Variants in CIB1 observed in about 807,000 individuals in gnomAD.
CIB1 encodes calcium and integrin-binding protein 1.
In CIB1, 19 loss-of-function variants were observed where a neutral mutation model predicts 25.0. That is an observed-to-expected ratio of 0.76 (90% CI 0.53 to 1.12). The LOEUF is 1.12. Among genes scored for constraint, CIB1 ranks in the 50% most tolerant of loss-of-function variants. The pLI is 0.00. For synonymous variants in CIB1, 104 were observed against 98.5 expected (o/e 1.06, Z -0.33); for missense variants, 236 against 242.6 (o/e 0.97, Z 0.18).
Position 90,231,149 on chromosome 15 carries a change from T to C in CIB1, c.411A>G (p.Gly137=). The part of the protein sequence containing the change: ...DLSRLVNCLT[G]EGEDTRLSAS... ...CACTAAGCCGTGTGTCCTCGCCCTC[T>C]CCCGTGAGGCAGTTCACCAGCCGGC... Residue 137 remains glycine (G), a synonymous_variant, in exon 5 of 7, where the codon GGA becomes GGG. Coordinates refer to ENST00000328649, the MANE Select transcript of CIB1 (RefSeq NM_006384.4). 1 of 1,614,168 alleles carries C rather than the reference T, an allele frequency of 6.2e-7. No individual in the cohort carries two copies. Among genetic ancestry groups the C allele is most frequent in the Non-Finnish European group, 8.5e-7 (1 of 1,180,028 alleles).
the CIB1 span, chr15:90,265,574 C>A: frequency 7.2e-7 from 1 of 1,394,416 alleles, no homozygotes; most frequent in Non-Finnish European, 9.6e-7. Flanking sequence ...AGCGTGAGCC[C>A]AGATCTTACC....
the CIB1 span, chr15:90,264,050 T>C: frequency 6.5e-7 from 1 of 1,532,964 alleles, no homozygotes; most frequent in Non-Finnish European, 8.7e-7. Flanking sequence ...AGAATCAGGC[T>C]CACTAGCCGT....
At chr15:90,232,803 G>C (rs1962530897) in intron 2 of CIB1, among the ~76,000 whole-genome samples, 1 of 149,420 alleles carries the variant, frequency 6.7e-6, no homozygotes, top group East Asian at 2.0e-4. Flanking sequence ...CTACTCAGGA[G>C]GCTGAGGCAG....
the CIB1 span, chr15:90,257,756 G>A: frequency 1.9e-6 from 3 of 1,595,712 alleles, no homozygotes; most frequent in South Asian, 1.1e-5. Flanking sequence ...TGCTTCCTCT[G>A]CCCCTTAGCC....
chr15:90,247,545 A>C, the CIB1 span, among the ~76,000 whole-genome samples: 10 of 151,376 alleles, frequency 6.6e-5, 1 homozygote, highest in African/African-American at 2.2e-4. Flanking sequence ...TGAGGTTGAC[A>C]TACCTATCAA....
the CIB1 span, chr15:90,264,048 G>A: frequency 6.5e-7 from 1 of 1,533,916 alleles, no homozygotes; most frequent in East Asian, 2.4e-5. Flanking sequence ...CCAGAATCAG[G>A]CTCACTAGCC....
the CIB1 span, among the ~76,000 whole-genome samples, chr15:90,253,861 C>T: frequency 0.27 from 40,926 of 152,112 alleles, 6,435 homozygotes; most frequent in East Asian, 0.67. Flanking sequence ...TCTAATTGGG[C>T]GTTTGTGGTG....
At chr15:90,257,047 T>A in the CIB1 span, 1 of 1,231,530 alleles carries the variant, frequency 8.1e-7, no homozygotes, top group Non-Finnish European at 1.1e-6. Context: ...TTGTGGAAAT[T>A]CAATTAGCTA....
the CIB1 span, among the ~76,000 whole-genome samples, chr15:90,254,936 T>G: frequency 6.6e-6 from 1 of 152,214 alleles, no homozygotes; most frequent in Non-Finnish European, 1.5e-5. Flanking sequence ...GTTAAGTGCT[T>G]TTATAGTATT....
intron 6 of CIB1, among the ~76,000 whole-genome samples, 183 bp from the exon 7 acceptor site, chr15:90,230,688 A>G (rs1373550835): frequency 6.6e-6 from 1 of 151,958 alleles, no homozygotes. Context: ...ACTGGGTCAG[A>G]GCTTCTAAAC....
chr15:90,247,870 A>G, the CIB1 span, among the ~76,000 whole-genome samples: 1 of 151,722 alleles, frequency 6.6e-6, no homozygotes, highest in Non-Finnish European at 1.5e-5. Flanking sequence ...CTGGGACTAC[A>G]GGCGCCCGCC....
chr15:90,257,142 T>G, the CIB1 span: 1 of 1,613,258 alleles, frequency 6.2e-7, no homozygotes, highest in Non-Finnish European at 8.5e-7. Context: ...TCCCAGCCCC[T>G]CCTCATTGAT....
chr15:90,251,304 T>C, the CIB1 span, among the ~76,000 whole-genome samples: 1 of 135,952 alleles, frequency 7.4e-6, no homozygotes, highest in Non-Finnish European at 1.6e-5. Flanking sequence ...TTTTGTATTT[T>C]TAGTAGAGAC....
the CIB1 span, chr15:90,258,545 C>G: frequency 1.6e-6 from 1 of 617,104 alleles, no homozygotes; most frequent in East Asian, 2.7e-5. Flanking sequence ...AGAGGCAGGC[C>G]AGCTGATTTG....
chr15:90,262,808 C>G, the CIB1 span: 4 of 1,218,250 alleles, frequency 3.3e-6, no homozygotes, highest in South Asian at 1.6e-5. Flanking sequence ...TGAATCCGAT[C>G]CTTTGGAAGA....
At chr15:90,257,841 G>A in the CIB1 span, 1 of 1,070,634 alleles carries the variant, frequency 9.3e-7, no homozygotes, top group Non-Finnish European at 1.4e-6. Flanking sequence ...AGCCTTTATA[G>A]ACCCTGTCCT....
intron 2 of CIB1, among the ~76,000 whole-genome samples, chr15:90,233,334 C>A (rs1218724975): frequency 6.6e-6 from 1 of 152,252 alleles, no homozygotes; most frequent in African/African-American, 2.4e-5. Flanking sequence ...CCGGGCTCCC[C>A]AAGGCTTCTG....
chr15:90,265,471 A>C, the CIB1 span: 1 of 1,371,188 alleles, frequency 7.3e-7, no homozygotes, highest in Non-Finnish European at 9.4e-7. Context: ...AAGTTTATGC[A>C]GTTTTCCAGG....
chr15:90,232,132 G>T, intron 3 of CIB1, 87 bp downstream of exon 3: 1 of 1,064,440 alleles, frequency 9.4e-7, no homozygotes, highest in Non-Finnish European at 1.4e-6. Context: ...GTGACCCCAT[G>T]ATCCCAAAGC....
Sources: gnomAD v4.1 joint callset for allele counts (sites outside exome capture counted in the v4.1 genomes callset) on GRCh38, gnomAD v4.1.1 for gene constraint, MANE v1.5 for transcripts, NCBI Gene and HGNC (gene_info 2026-07-23, HGNC 2026-07-21) for gene names.